Variants in DPH6 observed in about 807,000 individuals in gnomAD.
DPH6 encodes diphthine--ammonia ligase.
A neutral mutation model predicts 38.2 loss-of-function variants in DPH6; 33 were observed. The observed-to-expected ratio is 0.86, with a 90% confidence interval of 0.65 to 1.15. DPH6 has a LOEUF of 1.15. Ranked by LOEUF, DPH6 falls within the 50% of genes most tolerant of loss-of-function variation. The pLI is 0.00. For synonymous variants in DPH6, 108 were observed against 103.0 expected, an observed-to-expected ratio of 1.05 and a Z score of -0.30; for missense variants, 325 against 320.0, an observed-to-expected ratio of 1.02 and a Z score of -0.12.
chr15:35,209,065 G>C, the DPH6 span, among the ~76,000 whole-genome samples: 4,325 of 152,004 alleles, frequency 0.028, 285 homozygotes, highest in East Asian at 0.3. Context: ...CTGTGCACGT[G>C]GTCTTTTTCC....
chr15:35,379,129 G>A (rs2052826846), intron 7 of DPH6, among the ~76,000 whole-genome samples: 1 of 152,036 alleles, frequency 6.6e-6, no homozygotes, highest in Non-Finnish European at 1.5e-5. Context: ...GTCTACTTCC[G>A]TTGTTACATC....
chr15:35,370,140 C>A (rs763407080), downstream of DPH6, among the ~76,000 whole-genome samples: 1 of 151,628 alleles, frequency 6.6e-6, no homozygotes, highest in African/African-American at 2.4e-5. Context: ...AACTGAATAA[C>A]TACATTTTTA....
intron 3 of DPH6, among the ~76,000 whole-genome samples, chr15:35,351,976 T>A (rs1463183221): frequency 1.3e-5 from 2 of 152,140 alleles, no homozygotes; most frequent in East Asian, 3.9e-4. Flanking sequence ...CATCTCGGCC[T>A]CCCAAAGTGC....
At chr15:35,275,470 G>A (rs2051851412) in intron 3 of DPH6, among the ~76,000 whole-genome samples, 2 of 152,030 alleles carry the variant, frequency 1.3e-5, no homozygotes, top group South Asian at 2.1e-4. Context: ...CATACACCAC[G>A]TTTTTTCACA....
the DPH6 span, among the ~76,000 whole-genome samples, chr15:35,147,757 G>A: frequency 6.6e-6 from 1 of 152,186 alleles, no homozygotes; most frequent in Non-Finnish European, 1.5e-5. Flanking sequence ...ACCCCAGCAG[G>A]TGAGTGAGAA....
intron 3 of DPH6, among the ~76,000 whole-genome samples, chr15:35,318,809 T>C (rs1213448460): frequency 6.6e-6 from 1 of 152,162 alleles, no homozygotes; most frequent in East Asian, 1.9e-4. Context: ...GTGTATAATG[T>C]ATTTGGAATA....
At chr15:35,397,918 A>G (rs1396533104) in intron 6 of DPH6, among the ~76,000 whole-genome samples, 3 of 115,510 alleles carry the variant, frequency 2.6e-5, no homozygotes, top group Non-Finnish European at 5.6e-5. Context: ...CACACACAAG[A>G]TTCTGAGACC....
chr15:35,215,386 T>C (rs1338542865), downstream of DPH6, among the ~76,000 whole-genome samples: 3 of 152,066 alleles, frequency 2.0e-5, no homozygotes, highest in African/African-American at 7.2e-5. Context: ...CTATTTATTT[T>C]GGTGGAAAAT....
intron 3 of DPH6, among the ~76,000 whole-genome samples, chr15:35,233,599 TG>T (rs1227948122): frequency 2.6e-5 from 4 of 152,176 alleles, no homozygotes; most frequent in Non-Finnish European, 4.4e-5. Context: ...GTTTCTTCCC[TG>T]GGAACAGCTG....
rs140895863 is a variant in DPH6 at position 35,291,630 on chromosome 15, A to C, written n.201-71048T>G. Among the ~76,000 whole-genome samples, 67 of 152,230 alleles carry C rather than the reference A, an allele frequency of 4.4e-4. No individual in the cohort carries two copies. In the East Asian group the frequency reaches 0.013, roughly 29 times the overall value. ...GAAAAATGGCTTAAATTTTCTTATA[A>C]TCTCTTAATGTTCTCACCTCCTCCC... On this transcript the variant is annotated intron_variant and non_coding_transcript_variant, in intron 3 of 3. Coordinates refer to the DPH6 transcript ENST00000560386.
chr15:35,260,653 T>A (rs932694662), intron 3 of DPH6, among the ~76,000 whole-genome samples: 5 of 152,074 alleles, frequency 3.3e-5, no homozygotes, highest in Non-Finnish European at 5.9e-5. Context: ...ATTTCAGCAC[T>A]ATTAAAATTC....
At chr15:35,399,542 C>T (rs1000195257) in intron 6 of DPH6, among the ~76,000 whole-genome samples, 4 of 152,088 alleles carry the variant, frequency 2.6e-5, no homozygotes, top group African/African-American at 9.7e-5. Flanking sequence ...ATTCCTGTTC[C>T]AGCACAGTGG....
chr15:35,285,702 C>T (rs1456083342), intron 3 of DPH6, among the ~76,000 whole-genome samples: 4 of 151,696 alleles, frequency 2.6e-5, no homozygotes, highest in Non-Finnish European at 5.9e-5. Flanking sequence ...TAATCTATTT[C>T]TTTTATATTT....
chr15:35,491,522 C>G (rs1011756224), intron 3 of DPH6, among the ~76,000 whole-genome samples: 3 of 147,994 alleles, frequency 2.0e-5, no homozygotes, highest in African/African-American at 7.5e-5. Context: ...TATTCAGGTT[C>G]TCCAGAGAAT....
intron 3 of DPH6, among the ~76,000 whole-genome samples, chr15:35,296,169 G>A (rs1335551787): frequency 6.6e-6 from 1 of 152,034 alleles, no homozygotes; most frequent in Admixed American, 6.6e-5. Flanking sequence ...TCGATCCCCT[G>A]ACCTCTTGAT....
chr15:35,174,839 G>A, the DPH6 span, among the ~76,000 whole-genome samples: 1 of 152,154 alleles, frequency 6.6e-6, no homozygotes, highest in African/African-American at 2.4e-5. Context: ...GACATGTAGA[G>A]GTGGGGTGTC....
chr15:35,480,312 A>G (rs2054311573), intron 3 of DPH6, among the ~76,000 whole-genome samples: 2 of 152,178 alleles, frequency 1.3e-5, no homozygotes, highest in African/African-American at 4.8e-5. Flanking sequence ...TTTATAAAAC[A>G]GTTGCCTACA....
chr15:35,256,486 T>A (rs948416748), intron 3 of DPH6, among the ~76,000 whole-genome samples: 33 of 152,384 alleles, frequency 2.2e-4, no homozygotes, highest in African/African-American at 7.5e-4. Context: ...TATATTTTTA[T>A]CTTTGAATGT....
intron 3 of DPH6, among the ~76,000 whole-genome samples, chr15:35,498,943 TAAAAAAAAAA>T (rs61542040): frequency 9.2e-6 from 1 of 108,430 alleles, no homozygotes; most frequent in Admixed American, 9.8e-5. Flanking sequence ...CCTCATCTCT[TAAAAAAAAAA>T]AAAAAAAAAA....
Sources: gnomAD v4.1 joint callset for allele counts (sites outside exome capture counted in the v4.1 genomes callset) on GRCh38, gnomAD v4.1.1 for gene constraint, MANE v1.5 for transcripts, NCBI Gene and HGNC (gene_info 2026-07-23, HGNC 2026-07-21) for gene names.